The following UPP2 variants were observed in gnomAD, a reference collection of about 807,000 sequenced individuals.
UPP2 encodes the protein uridine phosphorylase 2, also known as UPase 2.
Under a neutral mutation model 26.7 loss-of-function variants are expected in UPP2, and 23 were observed. The ratio of observed to expected loss-of-function variants is 0.86; its 90% CI spans 0.62 to 1.22. UPP2 has a LOEUF of 1.22. Among genes scored for constraint, UPP2 ranks in the 50% most tolerant of loss-of-function variants. UPP2 has a pLI of 0.00. For missense variants in UPP2, 387 were observed against 396.7 expected (o/e 0.98, Z 0.21); for synonymous variants, 127 against 141.3 (o/e 0.90, Z 0.72).
chr2:158,027,001 G>T (rs979701010), intron 3 of UPP2, among the ~76,000 whole-genome samples: 3 of 152,174 alleles, frequency 2.0e-5, no homozygotes, highest in East Asian at 1.9e-4. Flanking sequence ...AAATTATCTC[G>T]CACCGGGTCC....
At chr2:158,052,379 A>T (rs1335186543) in intron 3 of UPP2, among the ~76,000 whole-genome samples, 1 of 152,242 alleles carries the variant, frequency 6.6e-6, no homozygotes, top group East Asian at 1.9e-4. Context: ...AGATGTGGGT[A>T]AACTGGAAAG....
chr2:157,998,071 G>A (rs116797692), intron 2 of UPP2, among the ~76,000 whole-genome samples: 1,636 of 152,248 alleles, frequency 0.011, 17 homozygotes, highest in Non-Finnish European at 0.018. Context: ...ATGGATATGG[G>A]TGTACTTAGT....
chr2:158,089,662 G>A (rs1356162466), intron 3 of UPP2, among the ~76,000 whole-genome samples: 1 of 152,222 alleles, frequency 6.6e-6, no homozygotes, highest in Non-Finnish European at 1.5e-5. Context: ...GAATGAAAGT[G>A]CCCACAGGGC....
chr2:158,050,556 AGG>A (rs1436846473), intron 3 of UPP2, among the ~76,000 whole-genome samples: 1 of 26,602 alleles, frequency 3.8e-5, no homozygotes, highest in Non-Finnish European at 1.5e-4. Context: ...CAAGCTACTT[AGG>A]AGGCTGAGGC....
upstream of UPP2, among the ~76,000 whole-genome samples, chr2:158,100,956 T>A (rs1314044477): frequency 6.6e-6 from 1 of 152,210 alleles, no homozygotes; most frequent in Non-Finnish European, 1.5e-5. Flanking sequence ...AAGAGGAGCA[T>A]CTTCTAACAT....
At chr2:158,051,502 G>A (rs1341386239) in intron 3 of UPP2, among the ~76,000 whole-genome samples, 1 of 152,086 alleles carries the variant, frequency 6.6e-6, no homozygotes, top group East Asian at 1.9e-4. Context: ...CAACTACATG[G>A]TCAGGGGCGG....
intron 5 of UPP2, 102 bp from the exon 6 acceptor site, chr2:158,123,647 T>C: frequency 2.2e-6 from 3 of 1,369,030 alleles, no homozygotes; most frequent in Non-Finnish European, 2.0e-6. Context: ...CGCTGTAGAG[T>C]TAGACAGCGG....
chr2:158,020,450 C>T (rs1013647096), intron 3 of UPP2, among the ~76,000 whole-genome samples: 6 of 152,330 alleles, frequency 3.9e-5, no homozygotes, highest in Admixed American at 2.6e-4. Flanking sequence ...AGAGACTGGA[C>T]GGCAGGGTGG....
At chr2:158,017,440 A>G (rs1044477690) in intron 3 of UPP2, among the ~76,000 whole-genome samples, 6 of 152,146 alleles carry the variant, frequency 3.9e-5, no homozygotes, top group African/African-American at 1.4e-4. Flanking sequence ...AAGCAGGAGC[A>G]GGGATGCATC....
chr2:158,010,769 T>C (rs866125543), intron 2 of UPP2, among the ~76,000 whole-genome samples: 151 of 133,166 alleles, frequency 1.1e-3, no homozygotes, highest in Middle Eastern at 7.4e-3. Flanking sequence ...TTTTCTTTTT[T>C]TTTTTTTTTT....
chr2:158,087,805 G>A (rs1047063311), intron 3 of UPP2, among the ~76,000 whole-genome samples: 1 of 152,100 alleles, frequency 6.6e-6, no homozygotes, highest in Non-Finnish European at 1.5e-5. Flanking sequence ...TGTTTAAGGA[G>A]ATAGGTCTCC....
intron 3 of UPP2, among the ~76,000 whole-genome samples, chr2:158,025,768 A>T (rs137919875): frequency 6.6e-6 from 1 of 152,318 alleles, no homozygotes; most frequent in Non-Finnish European, 1.5e-5. Flanking sequence ...TAGTTCAGAG[A>T]GCAACTCCTG....
chr2:158,020,093 A>G (rs2105147633), intron 3 of UPP2, among the ~76,000 whole-genome samples: 1 of 152,332 alleles, frequency 6.6e-6, no homozygotes, highest in Non-Finnish European at 1.5e-5. Context: ...CTGTTAAAAT[A>G]TTAATGCATT....
intron 3 of UPP2, among the ~76,000 whole-genome samples, chr2:158,085,213 G>C (rs1682793620): frequency 6.6e-6 from 1 of 151,760 alleles, no homozygotes. Context: ...TCACCTTCTT[G>C]GTTATGTATA....
intron 6 of UPP2, among the ~76,000 whole-genome samples, chr2:158,129,514 A>G (rs558108799): frequency 1.3e-4 from 20 of 152,186 alleles, no homozygotes; most frequent in Middle Eastern, 6.8e-3. Context: ...GACCTGCCTG[A>G]GGAAACAGAC....
chr2:158,096,305 A>C (rs1011024065), intron 3 of UPP2, among the ~76,000 whole-genome samples: 1 of 152,228 alleles, frequency 6.6e-6, no homozygotes, highest in African/African-American at 2.4e-5. Flanking sequence ...ATTAAAAAAT[A>C]ATAAAATAGT....
chr2:158,089,536 T>C (rs1179643435), intron 3 of UPP2, among the ~76,000 whole-genome samples: 2 of 152,210 alleles, frequency 1.3e-5, no homozygotes, highest in African/African-American at 4.8e-5. Flanking sequence ...TTGCACTCGG[T>C]TGAAATTGTT....
intron 3 of UPP2, among the ~76,000 whole-genome samples, chr2:158,059,852 C>T (rs1480535725): frequency 6.6e-6 from 1 of 152,132 alleles, no homozygotes; most frequent in Non-Finnish European, 1.5e-5. Context: ...GACCTTTCAT[C>T]CTTCAAGGGC....
At chr2:158,064,581 C>T (rs1219495875) in intron 3 of UPP2, among the ~76,000 whole-genome samples, 1 of 152,104 alleles carries the variant, frequency 6.6e-6, no homozygotes, top group Non-Finnish European at 1.5e-5. Context: ...TGCAGAAGCT[C>T]TTTAGTTTAA....
Sources: allele counts gnomAD v4.1 joint callset (sites outside exome capture counted in the v4.1 genomes callset), GRCh38; gene constraint gnomAD v4.1.1; transcripts MANE v1.5; gene names NCBI Gene and HGNC (gene_info 2026-07-23, HGNC 2026-07-21).